VCP: variants seen among roughly 807,000 people sequenced by gnomAD.
VCP encodes valosin containing protein, also known as transitional endoplasmic reticulum ATPase.
In VCP, 6 loss-of-function variants were observed where a neutral mutation model predicts 85.7. That is an observed-to-expected ratio of 0.07 (90% CI 0.04 to 0.14). The LOEUF is 0.14. Among genes scored for constraint, VCP ranks in the 10% least tolerant of loss-of-function variants. The probability of loss-of-function intolerance (pLI) is 1.00; values close to 1 mark genes in which losing one functional copy is unlikely to be tolerated. For missense variants in VCP, 353 were observed against 1,043.4 expected (o/e 0.34, Z 9.12); for synonymous variants, 384 against 367.1 (o/e 1.05, Z -0.53).
At chr9:35,061,263 ACTG>A in intron 10 of VCP, 84 bp from the exon 11 acceptor site, 2 of 1,576,392 alleles carry the variant, frequency 1.3e-6, no homozygotes, top group East Asian at 4.5e-5. Context: ...CCTTCCCCTG[ACTG>A]CTATCCCTGG....
chr9:35,056,986 A>G lies in VCP; in HGVS notation c.*131T>C. On this transcript the variant is annotated 3_prime_UTR_variant, in exon 17 of 17. Coordinates refer to ENST00000358901, the MANE Select transcript of VCP (RefSeq NM_007126.5). ...AACCCCCTGTCCAGAGTCAGACTGT[A>G]GCTGAACTGTTCAGACTGGAGAATG... 1.1e-6 allele frequency: 1 copy of G among 886,594 alleles called. No homozygotes were observed. The highest frequency in any genetic ancestry group is 1.3e-5 in the South Asian group (1 of 75,098). The allele number at this position is 886,594 out of a possible 1,614,324, so 54.9% of individuals were successfully genotyped here.
At chr9:35,060,946 G>A (rs1407709242) in intron 11 of VCP, 23 bp from the exon 12 acceptor site, 2 of 1,614,050 alleles carry the variant, frequency 1.2e-6, no homozygotes, top group Non-Finnish European at 8.5e-7. Flanking sequence ...GGAAAACTGG[G>A]GATGAGACTT....
chr9:35,063,547 T>C (rs940828493), intron 6 of VCP, among the ~76,000 whole-genome samples: 1 of 152,216 alleles, frequency 6.6e-6, no homozygotes, highest in Admixed American at 6.5e-5. Context: ...ATCATCATTT[T>C]TCTTCTTCAA....
At position 35,060,007 on chromosome 9, in the gene VCP, CTA is replaced by C. The variant is rs958701182; in HGVS notation, c.1696-208_1696-207del. The C allele has an allele frequency of 1.8e-4, 126 of 688,144 alleles. 3 individuals carry two copies. Among genetic ancestry groups the C allele is most frequent in the Middle Eastern group, 1.6e-3 (4 of 2,464 alleles). 42.6% of individuals were successfully genotyped at this position (688,144 alleles called of 1,614,324 possible). On this transcript the variant is annotated intron_variant, in intron 13 of 16. Transcript: ENST00000358901. ...ATTAGCCAGATGTGGTGACGCATGCCTATAGTCCCAGCTACTCAGGAGGCTGA... is the reference window on the plus strand; with the variant it reads ...ATTAGCCAGATGTGGTGACGCATGCCTAGTCCCAGCTACTCAGGAGGCTGA...
intron 1 of VCP, among the ~76,000 whole-genome samples, chr9:35,070,703 T>C (rs550980403): frequency 2.0e-5 from 3 of 152,342 alleles, no homozygotes; most frequent in African/African-American, 4.8e-5. Flanking sequence ...CCCAAAATGC[T>C]GGGATTACAG....
At chr9:35,061,857 G>T in intron 9 of VCP, 146 bp downstream of exon 9, 1 of 1,489,660 alleles carries the variant, frequency 6.7e-7, no homozygotes, top group Non-Finnish European at 9.2e-7. Flanking sequence ...CAGGGTGGTT[G>T]GTCACTCTAG....
chr9:35,072,390 C>G lies in VCP; in HGVS notation c.-37G>C, dbSNP rs947894370. On this transcript the variant is annotated 5_prime_UTR_variant, in exon 1 of 17. Coordinates refer to ENST00000358901, the MANE Select transcript of VCP (RefSeq NM_007126.5). ...CTCCCGGCCGGCGGCTGTGGCGGCC[C>G]GCGGGTAACGGCTACGAGCGGTGGC... 2.0e-6 allele frequency: 3 copies of G among 1,473,264 alleles called. No homozygotes were observed. Among genetic ancestry groups the G allele is most frequent in the Non-Finnish European group, 1.8e-6 (2 of 1,118,262 alleles). The allele number at this position is 1,473,264 out of a possible 1,614,324, so 91.3% of individuals were successfully genotyped here. A position where few individuals can be genotyped will look rare whatever the true frequency, so the allele number is the denominator to read the frequency against.
chr9:35,070,921 C>A (rs1247739459), intron 1 of VCP, among the ~76,000 whole-genome samples: 1 of 152,076 alleles, frequency 6.6e-6, no homozygotes. Flanking sequence ...TGACCATGGG[C>A]CAACAGCAGT....
At position 35,060,876 on chromosome 9, in the gene VCP, T is replaced by C. The variant is rs761430933; in HGVS notation, c.1407A>G (p.Val469=). The C allele has an allele frequency of 5.6e-5, 91 of 1,614,060 alleles. 1 individual carries two copies. In the South Asian group the frequency reaches 9.6e-4, roughly 17 times the overall value. ...SNPSALRETV[V]EVPQVTWEDI... Reference sequence around the variant, plus strand: ...CTTCCCAGGTTACCTGTGGCACCTCTACCACGGTTTCCCGCAGTGCTGATG... The same window carrying C: ...CTTCCCAGGTTACCTGTGGCACCTCCACCACGGTTTCCCGCAGTGCTGATG... The change falls in exon 12 of 17, where the codon GTA becomes GTG. Residue 469 remains valine (V), a synonymous_variant. Transcript: ENST00000358901.
In VCP at chr9:35,071,769, C is replaced by A. The variant is rs1039171310; in HGVS notation, c.17+568G>T. 3.6e-5 allele frequency: 36 copies of A among 989,476 alleles called. No individual in the cohort carries two copies. The African/African-American group carries it at 5.9e-4, about 16-fold the overall frequency. 61.3% of individuals were successfully genotyped at this position (989,476 alleles called of 1,614,324 possible). A position where few individuals can be genotyped will look rare whatever the true frequency, so the allele number is the denominator to read the frequency against. Reference sequence around the variant, plus strand: ...AGAGGATGCCCACCTCCGGCCCCGCCGACCCGGCTCCAAAAAGGCGGCTGT... The same window carrying A: ...AGAGGATGCCCACCTCCGGCCCCGCAGACCCGGCTCCAAAAAGGCGGCTGT... On this transcript the variant is annotated intron_variant, in intron 1 of 16. Transcript: ENST00000358901.
At chr9:35,058,346 C>G (rs1341900132) in intron 15 of VCP, among the ~76,000 whole-genome samples, 1 of 152,196 alleles carries the variant, frequency 6.6e-6, no homozygotes, top group African/African-American at 2.4e-5. Context: ...TAGTGGAAAA[C>G]AAGTGAGATG....
Position 35,059,505 on chromosome 9 carries a change from G to A in VCP, c.1992C>T (p.Ser664=), listed in dbSNP as rs1247453986. The change falls in exon 14 of 17, where the codon TCC becomes TCT. Residue 664 remains serine (S), a synonymous_variant. Transcript: ENST00000358901. The surrounding 1 kb of genome is among the most constrained non-coding windows in gnomAD (Gnocchi z 4.9). ...VAILKANLRK[S]PVAKDVDLEF... ...ATCTTGCACCTGCCTTGGCAACTGGGGACTTGCGCAGGTTAGCCTTGAGGA... is the reference window on the plus strand; with the variant it reads ...ATCTTGCACCTGCCTTGGCAACTGGAGACTTGCGCAGGTTAGCCTTGAGGA... 1.2e-6 allele frequency: 2 copies of A among 1,614,046 alleles called. No individual in the cohort carries two copies. The highest frequency in any genetic ancestry group is 1.7e-6 in the Non-Finnish European group (2 of 1,180,040).
At position 35,059,376 on chromosome 9, in the gene VCP, T is replaced by C. The variant is rs1828676479; in HGVS notation, c.2004+117A>G. 6.5e-7 allele frequency: 1 copy of C among 1,531,222 alleles called. No homozygotes were observed. The highest frequency in any genetic ancestry group is 1.9e-5 in the Admixed American group (1 of 51,620). 94.9% of individuals were successfully genotyped at this position (1,531,222 alleles called of 1,614,324 possible). A position where few individuals can be genotyped will look rare whatever the true frequency, so the allele number is the denominator to read the frequency against. On this transcript the variant is annotated intron_variant, in intron 14 of 16. Transcript: ENST00000358901. The surrounding 1 kb of genome is among the most constrained non-coding windows in gnomAD (Gnocchi z 4.9). ...ATTATCTTGATATCCTCAAAAATTC[T>C]ACCTTCCCTTTAGACCAACCCTAAC...
chr9:35,059,436 T>G lies in VCP; in HGVS notation c.2004+57A>C. ...ATCTTGTCCAGAAACTAAAGAGCAC[T>G]CCGTACCAGCCTGAGGACTCATGCA... On this transcript the variant is annotated intron_variant, in intron 14 of 16. Coordinates refer to ENST00000358901, the MANE Select transcript of VCP (RefSeq NM_007126.5). The surrounding 1 kb of genome is among the most constrained non-coding windows in gnomAD (Gnocchi z 4.9). 1 of 1,603,836 alleles carries G rather than the reference T, an allele frequency of 6.2e-7. No homozygotes were observed. Among genetic ancestry groups the G allele is most frequent in the Non-Finnish European group, 8.5e-7 (1 of 1,174,904 alleles).
chr9:35,068,744 T>C (rs1563981410), intron 1 of VCP, among the ~76,000 whole-genome samples: 1 of 152,162 alleles, frequency 6.6e-6, no homozygotes. Flanking sequence ...GTCAGACCCA[T>C]TGGGTCTGAA....
intron 6 of VCP, 37 bp from the exon 7 acceptor site, chr9:35,063,117 T>C: frequency 1.2e-6 from 2 of 1,603,598 alleles, no homozygotes; most frequent in Non-Finnish European, 1.7e-6. Flanking sequence ...GGTTCCCACC[T>C]TCTCCCAAAC....
chr9:35,061,137 C>A lies in VCP; in HGVS notation c.1237G>T (p.Ala413Ser). Residue 413 changes from alanine to serine, a missense_variant, in exon 11 of 17, where the codon GCC becomes TCC. By Grantham distance (99) the Ala-to-Ser change is moderately conservative (BLOSUM62 1). This residue lies in a region of VCP where 6 missense variants were observed against 34.5 expected (regional missense o/e 0.17). Transcript: ENST00000358901. ...TGCAGAGCAGCCTCTGAGCACAGGG[C>A]TGCTAAGTCAGCACCCACATGCCCG... is the stretch of plus-strand genomic sequence containing the variant. ...THGHVGADLA[A>S]LCSEAALQAI... 1 of 1,613,962 alleles carries A rather than the reference C, an allele frequency of 6.2e-7. No homozygotes were observed. Among genetic ancestry groups the A allele is most frequent in the Non-Finnish European group, 8.5e-7 (1 of 1,180,022 alleles).
chr9:35,059,045 G>A lies in VCP; in HGVS notation c.2160+19C>T. 1.9e-6 allele frequency: 3 copies of A among 1,613,492 alleles called. No individual in the cohort carries two copies. Among genetic ancestry groups the A allele is most frequent in the Non-Finnish European group, 2.5e-6 (3 of 1,180,002 alleles). On this transcript the variant is annotated intron_variant, in intron 15 of 16. Transcript: ENST00000358901. The surrounding 1 kb of genome is among the most constrained non-coding windows in gnomAD (Gnocchi z 4.9). The stretch of plus-strand genomic sequence containing the variant: ...GGCTCTCCATGATTGGCACATCTGG[G>A]GAAAGGATGCAGACTCACCATGGCT...
At position 35,065,398 on chromosome 9, in the gene VCP, T is replaced by C. The variant is rs543629555; in HGVS notation, c.446-17A>G. The stretch of plus-strand genomic sequence containing the variant: ...AAATGTCTCCTGCGAGAGCAAACAG[T>C]ACAAGCACAGTTAGAGGTGTCAACT... On this transcript the variant is annotated splice_polypyrimidine_tract_variant and intron_variant, in intron 4 of 16. Coordinates refer to ENST00000358901, the MANE Select transcript of VCP (RefSeq NM_007126.5). 1.5e-5 allele frequency: 24 copies of C among 1,613,884 alleles called. No individual in the cohort carries two copies. The highest frequency in any genetic ancestry group is 1.9e-5 in the Non-Finnish European group (23 of 1,179,962).
Sources: gnomAD v4.1 joint callset for allele counts (sites outside exome capture counted in the v4.1 genomes callset) on GRCh38, gnomAD v4.1.1 for gene constraint, gnomAD v4.1.1 regional missense constraint, Gnocchi (gnomAD v3.1) non-coding constraint, MANE v1.5 for transcripts, NCBI Gene and HGNC (gene_info 2026-07-23, HGNC 2026-07-21) for gene names.